The following TLL2 variants were observed in gnomAD, a reference collection of about 807,000 sequenced individuals.
TLL2 encodes tolloid like 2.
Under a neutral mutation model 123.0 loss-of-function variants are expected in TLL2, and 106 were observed. That is an observed-to-expected ratio of 0.86 (90% CI 0.74 to 1.01). The LOEUF is 1.01. Ranked by LOEUF, TLL2 falls within the 50% of genes least tolerant of loss-of-function variation. The pLI is 0.00. For synonymous variants in TLL2, 494 were observed against 516.8 expected (o/e 0.96, Z 0.60); for missense variants, 1,332 against 1,336.7 (o/e 1.00, Z 0.06).
intron 5 of TLL2, 92 bp from the exon 6 acceptor site, chr10:96,422,819 G>A (rs1309131620): frequency 2.1e-6 from 3 of 1,442,138 alleles, no homozygotes; most frequent in Non-Finnish European, 2.9e-6. Context: ...GTGTGTGCGT[G>A]TGTGCATGTA....
chr10:96,461,929 CT>C (rs1847085117), intron 2 of TLL2, among the ~76,000 whole-genome samples: 2 of 152,342 alleles, frequency 1.3e-5, no homozygotes, highest in South Asian at 4.1e-4. Flanking sequence ...TCTATCACCC[CT>C]ATAAGACGCT....
intron 2 of TLL2, among the ~76,000 whole-genome samples, chr10:96,459,685 A>T (rs1847054281): frequency 1.2e-4 from 7 of 58,206 alleles, no homozygotes; most frequent in Non-Finnish European, 2.1e-4. Flanking sequence ...AAAAAAAAAA[A>T]AAAAAAAAAA....
rs138224186 is a variant in TLL2 at position 96,432,849 on chromosome 10, G to T, written c.478C>A (p.Pro160Thr). The T allele has an allele frequency of 4.4e-5, 71 of 1,614,118 alleles. No individual in the cohort carries two copies. The East Asian group carries it at 1.5e-3, about 35-fold the overall frequency. The change falls in exon 4 of 21, where the codon CCT becomes ACT. Residue 160 changes from proline (P) to threonine (T), a missense_variant. By Grantham distance (38) the Pro-to-Thr change is conservative. Coordinates refer to ENST00000357947, the MANE Select transcript of TLL2 (RefSeq NM_012465.4). Reference protein sequence around the residue: ...ATTSRTERIWPGGVIPYVIGG... With the variant: ...ATTSRTERIWTGGVIPYVIGG... ...ATGACGTAGGGGATGACTCCTCCAG[G>T]CCATATCCTCTCTGTCCTTGAGGTT...
chr10:96,443,544 C>G (rs1008624870), intron 3 of TLL2, among the ~76,000 whole-genome samples: 6 of 152,138 alleles, frequency 3.9e-5, no homozygotes, highest in African/African-American at 1.2e-4. Context: ...TGGCATCAGC[C>G]AAAGAACCAC....
chr10:96,411,915 C>T (rs945221100), intron 8 of TLL2, among the ~76,000 whole-genome samples: 4 of 152,186 alleles, frequency 2.6e-5, no homozygotes, highest in African/African-American at 9.7e-5. Context: ...AGGATTATGC[C>T]TGGCAGTCAA....
Position 96,373,757 on chromosome 10 carries a change from A to G in TLL2, c.2501T>C (p.Leu834Pro), listed in dbSNP as rs1846108288. 1 of 1,614,248 alleles carries G rather than the reference A, an allele frequency of 6.2e-7. No individual in the cohort carries two copies. Among genetic ancestry groups the G allele is most frequent in the Non-Finnish European group, 8.5e-7 (1 of 1,180,052 alleles). ...EQHQECAYDH[L>P]EMYDGPDSLA... ...GCTGTCCGGCCCGTCATACATTTCCAGGTGGTCATAGGCACATTCCTGGTG... is the reference window on the plus strand; with the variant it reads ...GCTGTCCGGCCCGTCATACATTTCCGGGTGGTCATAGGCACATTCCTGGTG... The change falls in exon 19 of 21, where the codon CTG becomes CCG. Residue 834 changes from leucine (L) to proline (P), a missense_variant. Leu to Pro is a moderately conservative substitution (Grantham distance 98). Transcript: ENST00000357947.
intron 2 of TLL2, among the ~76,000 whole-genome samples, chr10:96,478,724 G>C (rs1475559249): frequency 6.6e-6 from 1 of 152,206 alleles, no homozygotes; most frequent in African/African-American, 2.4e-5. Flanking sequence ...CAGTAATACA[G>C]ACTGTACGAC....
chr10:96,379,053 T>A lies in TLL2; in HGVS notation c.2234A>T (p.His745Leu). Residue 745 changes from histidine (H) to leucine (L), a missense_variant, in exon 17 of 21, where the codon CAT (histidine) becomes CTT (leucine). Transcript: ENST00000357947. ...GCTCCCGAAGGTGTTGACGCACTCA[T>A]GCTGACACCCGCCGTTGTCCTTGGC... is the stretch of plus-strand genomic sequence containing the variant. Reference protein sequence around the residue: ...ECAKDNGGCQHECVNTFGSYL... With the variant: ...ECAKDNGGCQLECVNTFGSYL... 1 of 1,614,172 alleles carries A rather than the reference T, an allele frequency of 6.2e-7. No individual in the cohort carries two copies.
chr10:96,475,466 G>T (rs1370000489), intron 2 of TLL2, among the ~76,000 whole-genome samples: 1 of 152,234 alleles, frequency 6.6e-6, no homozygotes, highest in East Asian at 1.9e-4. Context: ...TAAAGTAGAA[G>T]ACACAGCAAC....
At chr10:96,458,277 T>C (rs1188674471) in intron 2 of TLL2, among the ~76,000 whole-genome samples, 2 of 152,114 alleles carry the variant, frequency 1.3e-5, no homozygotes, top group African/African-American at 2.4e-5. Context: ...AGGCACCCAC[T>C]TGGCCATTCT....
chr10:96,417,269 A>C (rs968196835), intron 7 of TLL2, among the ~76,000 whole-genome samples: 3 of 152,252 alleles, frequency 2.0e-5, no homozygotes, highest in African/African-American at 7.2e-5. Context: ...CAAAATGCTC[A>C]TAGAAAAGCT....
chr10:96,463,302 G>A (rs761419083), intron 2 of TLL2, among the ~76,000 whole-genome samples: 3 of 152,144 alleles, frequency 2.0e-5, no homozygotes, highest in African/African-American at 4.8e-5. Context: ...CGCAGCAAAC[G>A]AAGCCAGCTC....
At chr10:96,385,952 A>G in intron 15 of TLL2, 103 bp downstream of exon 15, 5 of 1,257,404 alleles carry the variant, frequency 4.0e-6, no homozygotes, top group South Asian at 1.9e-5. Context: ...CCAAAGCTTC[A>G]GTCAACACAA....
At chr10:96,414,485 T>C (rs957610642) in intron 7 of TLL2, among the ~76,000 whole-genome samples, 3 of 152,038 alleles carry the variant, frequency 2.0e-5, no homozygotes, top group East Asian at 3.9e-4. Flanking sequence ...GTCCAGGCCA[T>C]GGCTCTCTCT....
chr10:96,384,449 C>T, intron 16 of TLL2, 138 bp downstream of exon 16: 1 of 838,498 alleles, frequency 1.2e-6, no homozygotes, highest in Non-Finnish European at 1.7e-6. Flanking sequence ...ATCTGGCACG[C>T]CCCCTCCAAG....
chr10:96,479,341 C>T (rs555972006), intron 2 of TLL2, among the ~76,000 whole-genome samples: 3 of 152,358 alleles, frequency 2.0e-5, no homozygotes, highest in African/African-American at 4.8e-5. Context: ...GCTTTGAAGG[C>T]AGGTCCCTGT....
intron 1 of TLL2, among the ~76,000 whole-genome samples, chr10:96,482,199 A>G (rs1324625234): frequency 6.6e-6 from 1 of 151,546 alleles, no homozygotes; most frequent in Admixed American, 6.6e-5. Flanking sequence ...CGGAGCTTGC[A>G]GTGAGCCGAG....
intron 18 of TLL2, chr10:96,374,076 G>C: frequency 2.2e-6 from 1 of 450,470 alleles, no homozygotes; most frequent in Non-Finnish European, 4.1e-6. Flanking sequence ...AGAGAGCAGG[G>C]GTTCAGAGAT....
intron 3 of TLL2, among the ~76,000 whole-genome samples, chr10:96,436,552 C>T (rs1846796730): frequency 6.6e-6 from 1 of 152,152 alleles, no homozygotes; most frequent in African/African-American, 2.4e-5. Context: ...TGTTCAAGGC[C>T]ATGTTGGTTA....
Sources: allele counts gnomAD v4.1 joint callset (sites outside exome capture counted in the v4.1 genomes callset), GRCh38; gene constraint gnomAD v4.1.1; transcripts MANE v1.5; gene names NCBI Gene and HGNC (gene_info 2026-07-23, HGNC 2026-07-21).